TTF2: variants seen among roughly 807,000 people sequenced by gnomAD.
TTF2 encodes transcription termination factor 2.
A neutral mutation model predicts 142.4 loss-of-function variants in TTF2; 108 were observed. That is an observed-to-expected ratio of 0.76 (90% CI 0.65 to 0.89). The LOEUF (loss-of-function observed/expected upper bound fraction) is 0.89, where lower values mean the gene tolerates loss of function less well. Ranked by LOEUF, TTF2 falls within the 40% of genes least tolerant of loss-of-function variation. The pLI is 0.00. For synonymous variants in TTF2, 483 were observed against 506.2 expected (o/e 0.95, Z 0.61); for missense variants, 1,327 against 1,379.8 (o/e 0.96, Z 0.61).
At chr1:117,091,119 T>C (rs558178101) in intron 15 of TTF2, among the ~76,000 whole-genome samples, 2 of 152,322 alleles carry the variant, frequency 1.3e-5, no homozygotes, top group African/African-American at 4.8e-5. Context: ...TTTTCTTCTT[T>C]TACACCTTAT....
intron 18 of TTF2, chr1:117,094,717 T>TA: frequency 2.2e-6 from 1 of 454,340 alleles, no homozygotes; most frequent in South Asian, 1.6e-5. Flanking sequence ...ACAGAGAAGT[T>TA]ACTTTCCTAA....
rs1648061745 is a variant in TTF2, at chr1:117,086,859, T to A, written c.2160+337T>A. Among the ~76,000 whole-genome samples the A allele has an allele frequency of 6.6e-6, 1 of 152,182 alleles. No homozygotes were observed. Among genetic ancestry groups the A allele is most frequent in the Non-Finnish European group, 1.5e-5 (1 of 68,032 alleles). On this transcript the variant is annotated intron_variant, in intron 12 of 22. Transcript: ENST00000369466. This position sits in a 1 kb window ranked among gnomAD's most constrained non-coding sequence, Gnocchi z 4.2. ...GAGTATTTGGGGTATATACTCATGATATTTTTAATATTTATTGTGCAGACT... is the reference window on the plus strand; with the variant it reads ...GAGTATTTGGGGTATATACTCATGAAATTTTTAATATTTATTGTGCAGACT...
chr1:117,072,493 C>T (rs1032327445), intron 3 of TTF2, among the ~76,000 whole-genome samples: 6 of 138,988 alleles, frequency 4.3e-5, no homozygotes, highest in Admixed American at 2.3e-4. Flanking sequence ...GGTGCAATCT[C>T]GGCTCACTGC....
chr1:117,103,006 T>TACCA lies in TTF2; in HGVS notation c.*1482_*1483insACCA, dbSNP rs1649706792. 3 of 152,224 alleles carry TACCA rather than the reference T, an allele frequency of 2.0e-5. No homozygotes were observed. Among genetic ancestry groups the TACCA allele is most frequent in the Non-Finnish European group, 2.9e-5 (2 of 68,040 alleles). 9.4% of individuals were successfully genotyped at this position (152,224 alleles called of 1,614,324 possible). On this transcript the variant is annotated 3_prime_UTR_variant, in exon 23 of 23. Coordinates refer to ENST00000369466, the MANE Select transcript of TTF2 (RefSeq NM_003594.4). The stretch of plus-strand genomic sequence containing the variant: ...AGAGAAGCGATTGATGTAAGTCACT[T>TACCA]CTAGGTGGCCCTCTACCACTTTCCA...
chr1:117,067,256 G>C (rs1016042310), intron 3 of TTF2, among the ~76,000 whole-genome samples: 1 of 152,140 alleles, frequency 6.6e-6, no homozygotes, highest in Non-Finnish European at 1.5e-5. Flanking sequence ...TTAGGGCCAG[G>C]CATGGTGGTT....
rs1289842818 is a variant in TTF2 at position 117,103,330 on chromosome 1, C to T, written c.*1806C>T. 1 of 152,098 alleles carries T rather than the reference C, an allele frequency of 6.6e-6. No homozygotes were observed. Among genetic ancestry groups the T allele is most frequent in the African/African-American group, 2.4e-5 (1 of 41,424 alleles). 9.4% of individuals were successfully genotyped at this position (152,098 alleles called of 1,614,324 possible). A position where few individuals can be genotyped will look rare whatever the true frequency, so the allele number is the denominator to read the frequency against. ...TAGCAGTTTGTACCCTAAACAAACACTTGAGATTTTATACTTCAGGAAACT... is the reference window on the plus strand; with the variant it reads ...TAGCAGTTTGTACCCTAAACAAACATTTGAGATTTTATACTTCAGGAAACT... On this transcript the variant is annotated 3_prime_UTR_variant, in exon 23 of 23. Transcript: ENST00000369466.
Position 117,097,249 on chromosome 1 carries a change from GA to G in TTF2, c.3187-100del. 1.0e-6 allele frequency: 1 copy of G among 971,604 alleles called. No homozygotes were observed. Among genetic ancestry groups the G allele is most frequent in the Non-Finnish European group, 1.6e-6 (1 of 615,836 alleles). The allele number at this position is 971,604 out of a possible 1,614,324, so 60.2% of individuals were successfully genotyped here. On this transcript the variant is annotated intron_variant, in intron 20 of 22. Coordinates refer to ENST00000369466, the MANE Select transcript of TTF2 (RefSeq NM_003594.4). This position sits in a 1 kb window ranked among gnomAD's most constrained non-coding sequence, Gnocchi z 4.1. Reference sequence around the variant, plus strand: ...ATAACAGCAGAAGGAAATTTGATAGGAACACAGTGCTTATCTGTATTGATTG... The same window carrying G: ...ATAACAGCAGAAGGAAATTTGATAGGACACAGTGCTTATCTGTATTGATTG...
intron 11 of TTF2, among the ~76,000 whole-genome samples, chr1:117,084,756 T>A (rs1314903843): frequency 2.0e-5 from 3 of 152,168 alleles, no homozygotes; most frequent in Non-Finnish European, 2.9e-5. Flanking sequence ...TTAAAGGAAT[T>A]GTTTTCTGTT....
intron 3 of TTF2, among the ~76,000 whole-genome samples, chr1:117,065,273 A>G (rs976776157): frequency 6.6e-6 from 1 of 152,220 alleles, no homozygotes; most frequent in African/African-American, 2.4e-5. Context: ...AGAATTGTCA[A>G]TATTGAGGCT....
In TTF2 at chr1:117,092,375, G is replaced by T. The variant is rs892247663; in HGVS notation, c.2806-356G>T. Among the ~76,000 whole-genome samples the T allele has an allele frequency of 2.0e-5, 3 of 152,080 alleles. No homozygotes were observed. The highest frequency in any genetic ancestry group is 4.4e-5 in the Non-Finnish European group (3 of 68,014). On this transcript the variant is annotated intron_variant, in intron 17 of 22. Coordinates refer to ENST00000369466, the MANE Select transcript of TTF2 (RefSeq NM_003594.4). The surrounding 1 kb of genome is among the most constrained non-coding windows in gnomAD (Gnocchi z 4.4). ...AGATAGTTATACAGACTGAAAAGTT[G>T]CCCCTACCTTGGATAGAGGCACATC...
rs1351801160 is a variant in TTF2 at position 117,092,239 on chromosome 1, A to C, written c.2805+289A>C. 6.6e-6 allele frequency among the ~76,000 whole-genome samples: 1 copy of C among 152,222 alleles called. No individual in the cohort carries two copies. Among genetic ancestry groups the C allele is most frequent in the Non-Finnish European group, 1.5e-5 (1 of 68,046 alleles). ...AGAAAATGATATTTTGTTTAAAAAGAAGCCATTTGTGAATGCTCTGGTACT... is the reference window on the plus strand; with the variant it reads ...AGAAAATGATATTTTGTTTAAAAAGCAGCCATTTGTGAATGCTCTGGTACT... On this transcript the variant is annotated intron_variant, in intron 17 of 22. Coordinates refer to ENST00000369466, the MANE Select transcript of TTF2 (RefSeq NM_003594.4). The surrounding 1 kb of genome is among the most constrained non-coding windows in gnomAD (Gnocchi z 4.4).
intron 10 of TTF2, among the ~76,000 whole-genome samples, chr1:117,082,477 T>G (rs1053275446): frequency 3.9e-5 from 6 of 152,192 alleles, no homozygotes; most frequent in African/African-American, 1.4e-4. Context: ...CCTTCCAAAG[T>G]GCTGGGATTA....
chr1:117,091,195 G>T, intron 15 of TTF2, 133 bp from the exon 16 acceptor site: 4 of 587,148 alleles, frequency 6.8e-6, no homozygotes, highest in African/African-American at 1.9e-5. Flanking sequence ...CATTACCTTT[G>T]GCCATTGCTT....
rs1215273237 is a variant in TTF2 at position 117,104,979 on chromosome 1, A to C, written c.*3455A>C. On this transcript the variant is annotated 3_prime_UTR_variant, in exon 23 of 23. Transcript: ENST00000369466. Reference sequence around the variant, plus strand: ...TTTGCACCTTCTAGCGATGGGCAGCATCCCACAACACAGTGGTCTAATTGA... The same window carrying C: ...TTTGCACCTTCTAGCGATGGGCAGCCTCCCACAACACAGTGGTCTAATTGA... 1 of 152,226 alleles carries C rather than the reference A, an allele frequency of 6.6e-6. No homozygotes were observed. The highest frequency in any genetic ancestry group is 1.5e-5 in the Non-Finnish European group (1 of 68,040). 9.4% of individuals were successfully genotyped at this position (152,226 alleles called of 1,614,324 possible). A position where few individuals can be genotyped will look rare whatever the true frequency, so the allele number is the denominator to read the frequency against.
rs1332374836 is a variant in TTF2, at chr1:117,102,657, G to A, written c.*1133G>A. On this transcript the variant is annotated 3_prime_UTR_variant, in exon 23 of 23. Transcript: ENST00000369466. ...ATAGTATTTGTATTTTTACAAATTT[G>A]CAGTATTTGTAGCATTTAGTATCAT... is the stretch of plus-strand genomic sequence containing the variant. 1 of 151,904 alleles carries A rather than the reference G, an allele frequency of 6.6e-6. No individual in the cohort carries two copies. The highest frequency in any genetic ancestry group is 2.4e-5 in the African/African-American group (1 of 41,316). The allele number at this position is 151,904 out of a possible 1,614,324, so 9.4% of individuals were successfully genotyped here. A position where few individuals can be genotyped will look rare whatever the true frequency, so the allele number is the denominator to read the frequency against.
In TTF2 at chr1:117,102,280, G is replaced by A. The variant is rs1161107994; in HGVS notation, c.*756G>A. 1 of 152,236 alleles carries A rather than the reference G, an allele frequency of 6.6e-6. No individual in the cohort carries two copies. Among genetic ancestry groups the A allele is most frequent in the Non-Finnish European group, 1.5e-5 (1 of 68,062 alleles). The allele number at this position is 152,236 out of a possible 1,614,324, so 9.4% of individuals were successfully genotyped here. ...TCTTCTTGCCAGTGATGTTGCACCTGTAACCATCTTTTTATGGGTGGAGCA... is the reference window on the plus strand; with the variant it reads ...TCTTCTTGCCAGTGATGTTGCACCTATAACCATCTTTTTATGGGTGGAGCA... On this transcript the variant is annotated 3_prime_UTR_variant, in exon 23 of 23. Coordinates refer to ENST00000369466, the MANE Select transcript of TTF2 (RefSeq NM_003594.4).
rs779404248 is a variant in TTF2 at position 117,088,880 on chromosome 1, T to C, written c.2240T>C (p.Val747Ala). ...DEAHNVKNPR[V>A]QTSIAVCKLQ... ...GCTCACAATGTTAAGAATCCCCGAG[T>C]GCAGACTTCCATAGCTGTGTGTAAG... is the stretch of plus-strand genomic sequence containing the variant. Residue 747 changes from valine to alanine, a missense_variant, in exon 13 of 23, where the codon GTG (valine) becomes GCG (alanine). By Grantham distance (64) the Val-to-Ala change is moderately conservative (BLOSUM62 0). Transcript: ENST00000369466. 2 of 1,614,230 alleles carry C rather than the reference T, an allele frequency of 1.2e-6. No homozygotes were observed. The highest frequency in any genetic ancestry group is 1.1e-5 in the South Asian group (1 of 91,088).
At chr1:117,088,345 G>T (rs1269916048) in intron 12 of TTF2, among the ~76,000 whole-genome samples, 1 of 152,154 alleles carries the variant, frequency 6.6e-6, no homozygotes, top group Non-Finnish European at 1.5e-5. Context: ...AGACCATCCT[G>T]GCTAACACGA....
chr1:117,091,232 GTCT>G, intron 15 of TTF2, 93 bp from the exon 16 acceptor site: 2 of 960,352 alleles, frequency 2.1e-6, no homozygotes, highest in Non-Finnish European at 3.0e-6. Flanking sequence ...CATTTAACAA[GTCT>G]TCTATAATTT....
Sources: allele counts gnomAD v4.1 joint callset (sites outside exome capture counted in the v4.1 genomes callset), GRCh38; gene constraint gnomAD v4.1.1; non-coding constraint Gnocchi (gnomAD v3.1); transcripts MANE v1.5; gene names NCBI Gene and HGNC (gene_info 2026-07-23, HGNC 2026-07-21).